The following LRP4 variants were observed in gnomAD, a reference collection of about 807,000 sequenced individuals.
LRP4 encodes the protein low-density lipoprotein receptor-related protein 4.
A neutral mutation model predicts 220.3 loss-of-function variants in LRP4; 95 were observed. The observed-to-expected ratio is 0.43, with a 90% CI of 0.37 to 0.51. LRP4 has a LOEUF of 0.51. Among genes scored for constraint, LRP4 ranks in the 20% least tolerant of loss-of-function variants. LRP4 has a pLI of 0.00. For synonymous variants in LRP4, 903 were observed against 954.6 expected (o/e 0.95, Z 1.00); for missense variants, 1,925 against 2,567.0 (o/e 0.75, Z 5.40).
At chr11:46,872,939 C>T in intron 30 of LRP4, 161 bp downstream of exon 30, 1 of 1,082,020 alleles carries the variant, frequency 9.2e-7, no homozygotes, top group Admixed American at 1.8e-5. Context: ...CTGGATTTAG[C>T]AATCGCTGCT....
rs569764064 is a variant in LRP4 at position 46,895,195 on chromosome 11, C to T, written c.1280G>A (p.Arg427Gln). ...QCWCETGYELRPDRRSCKALG... is the reference protein window; with the variant it reads ...QCWCETGYELQPDRRSCKALG... ...AGCCTTGCAGCTGCGCCGGTCGGGC[C>T]GTAGTTCATAGCCTGTTTCACACCA... Residue 427 changes from arginine (R) to glutamine (Q), a missense_variant, in exon 11 of 38, where the codon CGG (arginine) becomes CAG (glutamine). By Grantham distance (43) the Arg-to-Gln change is conservative. This residue lies in a region of LRP4 where 269 missense variants were observed against 436.7 expected (regional missense o/e 0.62). Transcript: ENST00000378623. 5 of 1,614,086 alleles carry T rather than the reference C, an allele frequency of 3.1e-6. No individual in the cohort carries two copies. Among genetic ancestry groups the T allele is most frequent in the East Asian group, 2.2e-5 (1 of 44,886 alleles).
In LRP4 at chr11:46,893,032, T is replaced by C. The variant is rs10838631; in HGVS notation, c.1638A>G (p.Lys546=). The C allele has an allele frequency of 0.99, 1,594,681 of 1,614,160 alleles. 787,788 individuals carry two copies. The highest frequency in any genetic ancestry group is 1 in the East Asian group (44,881 of 44,882). Residue 546 remains lysine, a synonymous_variant, in exon 13 of 38, where the codon AAA becomes AAG. Transcript: ENST00000378623. The part of the protein sequence containing the change: ...EVANLDGAHR[K]VLLWQNLEKP... ...TCTCCAGGTTCTGCCACAGCAACAC[T>C]TTCCGGTGGGCCCCATCCAGATTGG...
chr11:46,915,197 C>T (rs1941929705), intron 1 of LRP4, among the ~76,000 whole-genome samples: 1 of 152,248 alleles, frequency 6.6e-6, no homozygotes, highest in Non-Finnish European at 1.5e-5. Flanking sequence ...AGCACCATGA[C>T]AACCCTGGTC....
intron 31 of LRP4, among the ~76,000 whole-genome samples, chr11:46,871,277 G>A (rs539406972): frequency 5.3e-4 from 80 of 152,144 alleles, no homozygotes; most frequent in African/African-American, 1.8e-3. Context: ...GCACCATATC[G>A]GATTCTGTAT....
intron 13 of LRP4, among the ~76,000 whole-genome samples, chr11:46,892,588 T>C (rs995564313): frequency 2.0e-4 from 25 of 123,278 alleles, no homozygotes; most frequent in Non-Finnish European, 3.8e-4. Flanking sequence ...TTTTTTTTTT[T>C]CGAGACAGAG....
At position 46,890,187 on chromosome 11, in the gene LRP4, C is replaced by A. The variant is rs1941388278; in HGVS notation, c.1916-67G>T. 3.7e-5 allele frequency: 60 copies of A among 1,606,104 alleles called. No individual in the cohort carries two copies. In the South Asian group the frequency reaches 6.6e-4, roughly 18 times the overall value. ...CCATGTCCCCTGGGCCCAGGCCTGG[C>A]AACTACACAAAACCTCTACCAAGGC... On this transcript the variant is annotated intron_variant, in intron 14 of 37. Transcript: ENST00000378623. The surrounding 1 kb of genome is among the most constrained non-coding windows in gnomAD (Gnocchi z 5.3).
chr11:46,915,827 C>T (rs1486471162), intron 1 of LRP4, among the ~76,000 whole-genome samples: 1 of 152,200 alleles, frequency 6.6e-6, no homozygotes, highest in African/African-American at 2.4e-5. Context: ...ACTTTAGTGT[C>T]TTTAATTCAT....
chr11:46,870,895 TTG>T (rs1940844868), intron 31 of LRP4, among the ~76,000 whole-genome samples: 1 of 152,194 alleles, frequency 6.6e-6, no homozygotes, highest in South Asian at 2.1e-4. Context: ...TGCTAATGCT[TTG>T]TGTCTATTTC....
At chr11:46,871,692 C>T in intron 30 of LRP4, 59 bp from the exon 31 acceptor site, 2 of 1,158,606 alleles carry the variant, frequency 1.7e-6, no homozygotes, top group South Asian at 2.6e-5. Context: ...CCCAGCTCTT[C>T]CCCCTATGAA....
chr11:46,882,342 T>C (rs931684803), intron 19 of LRP4, among the ~76,000 whole-genome samples: 3 of 150,794 alleles, frequency 2.0e-5, no homozygotes, highest in African/African-American at 7.3e-5. Flanking sequence ...CCAGATATGG[T>C]GGTGCACATC....
Position 46,875,977 on chromosome 11 carries a change from A to G in LRP4, c.3537-11T>C, listed in dbSNP as rs1054442548. On this transcript the variant is annotated splice_polypyrimidine_tract_variant and intron_variant, in intron 25 of 37. Transcript: ENST00000378623. This position sits in a 1 kb window ranked among gnomAD's most constrained non-coding sequence, Gnocchi z 4.5. ...GTCCAGTACATAAACCTGAGTGAGG[A>G]AGAATATTAGCTATATTAGCTAGTT... 3 of 1,613,556 alleles carry G rather than the reference A, an allele frequency of 1.9e-6. No homozygotes were observed. The highest frequency in any genetic ancestry group is 2.7e-5 in the African/African-American group (2 of 74,912).
In LRP4 at chr11:46,918,454, T is replaced by C. The variant is rs1216749396; in HGVS notation, c.-75A>G. On this transcript the variant is annotated 5_prime_UTR_variant, in exon 1 of 38. Coordinates refer to ENST00000378623, the MANE Select transcript of LRP4 (RefSeq NM_002334.4). The surrounding 1 kb of genome is among the most constrained non-coding windows in gnomAD (Gnocchi z 6.0). Reference sequence around the variant, plus strand: ...GCGCGGCGGAGAAGCCCGCGGAGGGTCCCCGAGGGGGAAGCGTCCCGGGTG... The same window carrying C: ...GCGCGGCGGAGAAGCCCGCGGAGGGCCCCCGAGGGGGAAGCGTCCCGGGTG... 2.5e-5 allele frequency: 29 copies of C among 1,144,966 alleles called. No individual in the cohort carries two copies. The highest frequency in any genetic ancestry group is 3.0e-5 in the Non-Finnish European group (27 of 908,320). 70.9% of individuals were successfully genotyped at this position (1,144,966 alleles called of 1,614,324 possible).
chr11:46,876,928 G>T, intron 23 of LRP4, 98 bp from the exon 24 acceptor site: 1 of 1,012,800 alleles, frequency 9.9e-7, no homozygotes, highest in Non-Finnish European at 1.6e-6. Flanking sequence ...ATGTCAGAGA[G>T]CTCTGGAGCC....
chr11:46,907,280 G>A (rs892705610), intron 1 of LRP4, among the ~76,000 whole-genome samples: 1 of 152,208 alleles, frequency 6.6e-6, no homozygotes, highest in Non-Finnish European at 1.5e-5. Flanking sequence ...CTATGGAAAA[G>A]GTCTGTCCGC....
chr11:46,860,210 G>A (rs1186495972), intron 37 of LRP4, among the ~76,000 whole-genome samples: 1 of 150,456 alleles, frequency 6.6e-6, no homozygotes, highest in Non-Finnish European at 1.5e-5. Context: ...ACTCCAGCCT[G>A]GGTGACAGAG....
intron 36 of LRP4, among the ~76,000 whole-genome samples, chr11:46,864,033 T>C (rs1167413415): frequency 6.6e-6 from 1 of 152,176 alleles, no homozygotes. Flanking sequence ...TGAGCAAAGA[T>C]GTACAAACCA....
At chr11:46,904,662 C>T (rs1268838266) in intron 1 of LRP4, among the ~76,000 whole-genome samples, 1 of 152,138 alleles carries the variant, frequency 6.6e-6, no homozygotes, top group Non-Finnish European at 1.5e-5. Context: ...TGGTAATCAG[C>T]TGCTCTAGAA....
intron 19 of LRP4, among the ~76,000 whole-genome samples, chr11:46,883,344 A>G (rs1210963467): frequency 3.9e-5 from 6 of 152,334 alleles, no homozygotes; most frequent in Admixed American, 3.3e-4. Context: ...TTGTGGGTTT[A>G]CCCGAATGAG....
chr11:46,889,525 G>A lies in LRP4; in HGVS notation c.2101C>T (p.Arg701Cys), dbSNP rs1478952522. 12 of 1,613,690 alleles carry A rather than the reference G, an allele frequency of 7.4e-6. No homozygotes were observed. Among genetic ancestry groups the A allele is most frequent in the South Asian group, 2.2e-5 (2 of 91,082 alleles). ...HPQRQPAGKN[R>C]CGDNNGGCTH... ...CAGCCTCCGTTGTTGTCCCCACAGC[G>A]GTTTTTCCCTGCTCAAAGAGCCCAG... is the stretch of plus-strand genomic sequence containing the variant. The change falls in exon 16 of 38, where the codon CGC (arginine) becomes TGC (cysteine). Residue 701 changes from arginine to cysteine, a missense_variant. By Grantham distance (180) the Arg-to-Cys change is radical. Coordinates refer to ENST00000378623, the MANE Select transcript of LRP4 (RefSeq NM_002334.4).
Sources: allele counts gnomAD v4.1 joint callset (sites outside exome capture counted in the v4.1 genomes callset), GRCh38; gene constraint gnomAD v4.1.1; regional missense constraint gnomAD v4.1.1; non-coding constraint Gnocchi (gnomAD v3.1); transcripts MANE v1.5; gene names NCBI Gene and HGNC (gene_info 2026-07-23, HGNC 2026-07-21).